Variants in GRIK2 observed in about 807,000 individuals in gnomAD.
The protein encoded by GRIK2 is glutamate ionotropic receptor kainate type subunit 2.
Under a neutral mutation model 100.3 loss-of-function variants are expected in GRIK2, and 32 were observed. The ratio of observed to expected loss-of-function variants is 0.32; its 90% confidence interval spans 0.24 to 0.43. The LOEUF (loss-of-function observed/expected upper bound fraction) is 0.43, where lower values mean the gene tolerates loss of function less well. Ranked by LOEUF, GRIK2 falls within the 20% of genes least tolerant of loss-of-function variation. The probability of loss-of-function intolerance (pLI) is 1.00; values close to 1 mark genes in which losing one functional copy is unlikely to be tolerated. For synonymous variants in GRIK2, 417 were observed against 389.4 expected (o/e 1.07, Z -0.83); for missense variants, 843 against 1,114.9 (o/e 0.76, Z 3.47).
chr6:101,751,576 A>T (rs530123277), intron 7 of GRIK2, among the ~76,000 whole-genome samples: 13 of 152,182 alleles, frequency 8.5e-5, no homozygotes, highest in Non-Finnish European at 1.8e-4. Flanking sequence ...CAATGATCTA[A>T]TTTCCAATTG....
At chr6:101,532,237 G>T (rs187088547) in intron 2 of GRIK2, among the ~76,000 whole-genome samples, 222 of 151,838 alleles carry the variant, frequency 1.5e-3, no homozygotes, top group African/African-American at 5.2e-3. Flanking sequence ...TCTCTATAAT[G>T]CTCTTTCTTC....
intron 15 of GRIK2, among the ~76,000 whole-genome samples, chr6:102,036,334 T>C (rs911264165): frequency 3.3e-5 from 5 of 151,328 alleles, no homozygotes; most frequent in Non-Finnish European, 7.4e-5. Context: ...GATGTCCATG[T>C]CTTAATCCCC....
chr6:101,575,341 A>G (rs904432986), intron 2 of GRIK2, among the ~76,000 whole-genome samples: 1 of 151,948 alleles, frequency 6.6e-6, no homozygotes, highest in Non-Finnish European at 1.5e-5. Context: ...CCAAGTTTTT[A>G]ATTAACATGG....
rs1046982588 is a variant in GRIK2, at chr6:101,424,368, G to A, written c.115+24976G>A. On this transcript the variant is annotated intron_variant, in intron 2 of 16. Transcript: ENST00000369134. Reference sequence around the variant, plus strand: ...TGATGTGTGATGTTCCCATTCCTCTGTCCATGTGTTCTCATTGTTCAATTC... The same window carrying A: ...TGATGTGTGATGTTCCCATTCCTCTATCCATGTGTTCTCATTGTTCAATTC... Among the ~76,000 whole-genome samples, 7 of 142,854 alleles carry A rather than the reference G, an allele frequency of 4.9e-5. No homozygotes were observed. The South Asian group carries it at 6.7e-4, about 14-fold the overall frequency. The allele number at this position is 142,854 out of a possible 152,430, so 93.7% of individuals were successfully genotyped here.
chr6:101,769,707 G>A (rs1354832736), intron 7 of GRIK2, among the ~76,000 whole-genome samples: 1 of 152,118 alleles, frequency 6.6e-6, no homozygotes, highest in Non-Finnish European at 1.5e-5. Context: ...TTATGCTATA[G>A]CCTGTCAACC....
intron 2 of GRIK2, among the ~76,000 whole-genome samples, chr6:101,550,630 G>A (rs752872283): frequency 2.0e-5 from 3 of 152,122 alleles, no homozygotes; most frequent in Non-Finnish European, 2.9e-5. Flanking sequence ...AATTATGCCA[G>A]CTGTCTTAAC....
intron 7 of GRIK2, among the ~76,000 whole-genome samples, chr6:101,710,130 T>C (rs1219772448): frequency 6.6e-6 from 1 of 151,914 alleles, no homozygotes; most frequent in African/African-American, 2.4e-5. Flanking sequence ...ACATTTACTA[T>C]GTTTTAAGTA....
rs915609404 is a variant in GRIK2, at chr6:101,674,817, G to C, written c.542-1806G>C. ...AGGTGTAGAAGCTGTATAACTTACA[G>C]TGAAGCAACTTTATGGGGCCATGTG... On this transcript the variant is annotated intron_variant, in intron 4 of 16. Coordinates refer to ENST00000369134, the MANE Select transcript of GRIK2 (RefSeq NM_021956.5). Among the ~76,000 whole-genome samples, 4 of 152,250 alleles carry C rather than the reference G, an allele frequency of 2.6e-5. No homozygotes were observed. In the South Asian group the frequency reaches 6.2e-4, roughly 24 times the overall value.
At chr6:101,813,979 G>C (rs921774866) in intron 9 of GRIK2, among the ~76,000 whole-genome samples, 2 of 149,512 alleles carry the variant, frequency 1.3e-5, no homozygotes, top group African/African-American at 2.5e-5. Context: ...AAAAAAAAAT[G>C]TTAACTAAAA....
intron 2 of GRIK2, among the ~76,000 whole-genome samples, chr6:101,477,969 A>G (rs541822611): frequency 6.6e-6 from 1 of 152,312 alleles, no homozygotes; most frequent in East Asian, 1.9e-4. Flanking sequence ...GCTGAAACAT[A>G]TACTGTCTGT....
intron 4 of GRIK2, among the ~76,000 whole-genome samples, chr6:101,672,764 G>T (rs1418958656): frequency 6.6e-6 from 1 of 152,000 alleles, no homozygotes; most frequent in East Asian, 1.9e-4. Flanking sequence ...CTGTGTTGTT[G>T]CAAAGGCCAT....
intron 9 of GRIK2, among the ~76,000 whole-genome samples, chr6:101,815,346 A>G (rs539580227): frequency 1.1e-4 from 16 of 152,190 alleles, no homozygotes; most frequent in Non-Finnish European, 2.2e-4. Context: ...GAAATCAAAG[A>G]GCCAATCAGA....
At chr6:101,835,116 T>A (rs1782982778) in intron 10 of GRIK2, among the ~76,000 whole-genome samples, 1 of 152,224 alleles carries the variant, frequency 6.6e-6, no homozygotes, top group Non-Finnish European at 1.5e-5. Context: ...TTACTAATTT[T>A]CATTCCATTC....
At chr6:101,401,944 C>G (rs1164043708) in intron 2 of GRIK2, among the ~76,000 whole-genome samples, 1 of 152,076 alleles carries the variant, frequency 6.6e-6, no homozygotes, top group East Asian at 1.9e-4. Context: ...GGCTAGGCGC[C>G]GGCAGCCGCC....
chr6:101,771,475 C>A (rs1392148212), intron 7 of GRIK2, among the ~76,000 whole-genome samples: 1 of 150,944 alleles, frequency 6.6e-6, no homozygotes, highest in African/African-American at 2.4e-5. Context: ...CCCATTTATG[C>A]CTGAGGTTGC....
intron 7 of GRIK2, among the ~76,000 whole-genome samples, chr6:101,764,022 T>G (rs1562367838): frequency 2.0e-5 from 3 of 152,152 alleles, no homozygotes; most frequent in Admixed American, 1.3e-4. Context: ...ATCAGAAACT[T>G]AAATAAGGTT....
Position 101,867,569 on chromosome 6 carries a change from ACAAC to A in GRIK2, c.1524+8079_1524+8082del, listed in dbSNP as rs563991156. Among the ~76,000 whole-genome samples the A allele has an allele frequency of 1.2e-3, 178 of 151,842 alleles. 1 individual carries two copies. The highest frequency in any genetic ancestry group is 4.2e-3 in the African/African-American group (173 of 41,392). ...GAAATTATCCCAGGATAGAGCCTCA[ACAAC>A]CATTTATTGAATATATATTCTGAGA... On this transcript the variant is annotated intron_variant, in intron 11 of 16. Coordinates refer to ENST00000369134, the MANE Select transcript of GRIK2 (RefSeq NM_021956.5).
intron 11 of GRIK2, among the ~76,000 whole-genome samples, chr6:101,870,568 G>T (rs1283732240): frequency 6.6e-6 from 1 of 151,620 alleles, no homozygotes; most frequent in Admixed American, 6.6e-5. Context: ...TAGTCAAGAT[G>T]GTCAATAAAT....
At chr6:101,565,128 T>C (rs1777191279) in intron 2 of GRIK2, among the ~76,000 whole-genome samples, 1 of 152,106 alleles carries the variant, frequency 6.6e-6, no homozygotes, top group African/African-American at 2.4e-5. Flanking sequence ...ACACATTCCA[T>C]TTCGGTCTGA....
Sources: allele counts gnomAD v4.1 joint callset (sites outside exome capture counted in the v4.1 genomes callset), GRCh38; gene constraint gnomAD v4.1.1; transcripts MANE v1.5; gene names NCBI Gene and HGNC (gene_info 2026-07-23, HGNC 2026-07-21).